FRMPD3: variants seen among roughly 807,000 people sequenced by gnomAD.
FRMPD3 encodes FERM and PDZ domain containing 3.
FRMPD3 carries 42 observed loss-of-function variants against 97.9 expected under a neutral mutation model. The observed-to-expected ratio is 0.43, with a 90% CI of 0.34 to 0.55. The LOEUF (loss-of-function observed/expected upper bound fraction) is 0.55. Among genes scored for constraint, FRMPD3 ranks in the 20% least tolerant of loss-of-function variants. FRMPD3 has a pLI of 0.03. For missense variants in FRMPD3, 1,303 were observed against 1,457.7 expected, an observed-to-expected ratio of 0.89 and a Z score of 1.73; for synonymous variants, 577 against 581.1, an observed-to-expected ratio of 0.99 and a Z score of 0.10.
At chrX:107,490,999 C>T (rs1438552745) in intron 1 of FRMPD3, among the ~76,000 whole-genome samples, 1 of 111,767 alleles carries the variant, frequency 8.9e-6, no homozygotes, top group Non-Finnish European at 1.9e-5. Flanking sequence ...ATCCTCACAG[C>T]GGTGAGGTAG....
rs1215418026 is a variant in FRMPD3 at position 107,576,347 on chromosome X, C to T, written c.1329C>T (p.Ala443=). The change falls in exon 13 of 15, where the codon GCC becomes GCT. Residue 443 remains alanine (A), a synonymous_variant. Transcript: ENST00000683843. ...PLVLLMEWPE[A]TNFACLIAGY... ...TGCTGTTGATGGAGTGGCCTGAAGC[C>T]ACCAACTTTGCCTGCCTGATCGCGG... 3.7e-5 allele frequency: 45 copies of T among 1,209,197 alleles called. No individual in the cohort carries two copies. Among genetic ancestry groups the T allele is most frequent in the Non-Finnish European group, 5.0e-5 (45 of 895,138 alleles).
intron 5 of FRMPD3, 69 bp from the exon 6 acceptor site, chrX:107,549,980 C>A: frequency 1.5e-6 from 1 of 683,672 alleles, no homozygotes; most frequent in Non-Finnish European, 2.3e-6. Flanking sequence ...CTTTTTCACA[C>A]CCTTCCTCTG....
chrX:107,470,108 G>T (rs1410102654), intron 1 of FRMPD3, among the ~76,000 whole-genome samples: 1 of 112,451 alleles, frequency 8.9e-6, no homozygotes, highest in Non-Finnish European at 1.9e-5. Context: ...AAGAGAAATT[G>T]AACATTAGAT....
At chrX:107,570,232 A>G (rs183202511) in intron 12 of FRMPD3, among the ~76,000 whole-genome samples, 1 of 106,033 alleles carries the variant, frequency 9.4e-6, no homozygotes, top group East Asian at 2.9e-4. Context: ...AAGGAAAGAA[A>G]GAACTGCTTG....
intron 12 of FRMPD3, among the ~76,000 whole-genome samples, chrX:107,571,288 T>C (rs1241567412): frequency 8.9e-6 from 1 of 112,764 alleles, no homozygotes; most frequent in Non-Finnish European, 1.9e-5. Context: ...AAAATTGTTT[T>C]TGAAGGTTTC....
At chrX:107,552,702 T>A (rs941146068) in intron 6 of FRMPD3, 93 bp from the exon 7 acceptor site, 4 of 986,842 alleles carry the variant, frequency 4.1e-6, no homozygotes, top group Non-Finnish European at 5.5e-6. Flanking sequence ...ATATTTCTTT[T>A]CTTGGTGTTT....
rs1026575426 is a variant in FRMPD3 at position 107,449,965 on chromosome X, GGAGGAGGAGGAA to G, written c.-28_-17del. Among the ~76,000 whole-genome samples the G allele has an allele frequency of 4.5e-5, 5 of 110,775 alleles. No homozygotes were observed. Among genetic ancestry groups the G allele is most frequent in the East Asian group, 5.7e-4 (2 of 3,498 alleles). On this transcript the variant is annotated 5_prime_UTR_variant, in exon 1 of 15. Coordinates refer to ENST00000683843, the MANE Select transcript of FRMPD3 (RefSeq NM_001388459.1). ...CCGCTGAGGAGGCGGAGGAGGAGGA[GGAGGAGGAGGAA>G]GAGGAGGAGGAAGAGGAGGGGGAGG...
At chrX:107,526,001 G>A (rs367813691) in intron 1 of FRMPD3, among the ~76,000 whole-genome samples, 14 of 111,238 alleles carry the variant, frequency 1.3e-4, no homozygotes, top group South Asian at 3.9e-4. Flanking sequence ...GCTTGACCCC[G>A]GGAGGTGGAG....
chrX:107,467,442 G>A (rs1383451541), intron 1 of FRMPD3, among the ~76,000 whole-genome samples: 2 of 110,887 alleles, frequency 1.8e-5, no homozygotes, highest in Admixed American at 1.9e-4. Flanking sequence ...TAGATAAGTA[G>A]TCCCTTGCTA....
At chrX:107,489,270 A>G (rs1371806354) in intron 1 of FRMPD3, among the ~76,000 whole-genome samples, 1 of 109,559 alleles carries the variant, frequency 9.1e-6, no homozygotes, top group Non-Finnish European at 1.9e-5. Flanking sequence ...AGTCTTTGCT[A>G]TTGTGAATAG....
intron 1 of FRMPD3, among the ~76,000 whole-genome samples, chrX:107,490,550 C>G (rs986859423): frequency 1.9e-4 from 21 of 111,073 alleles, no homozygotes; most frequent in East Asian, 8.4e-4. Flanking sequence ...AGAGGTCCTT[C>G]ACATCCCTTG....
chrX:107,498,733 A>G (rs1193173964), intron 1 of FRMPD3, among the ~76,000 whole-genome samples: 1 of 111,757 alleles, frequency 8.9e-6, no homozygotes, highest in East Asian at 2.8e-4. Flanking sequence ...AGCCTGGGGA[A>G]TGAGGAGCGC....
intron 4 of FRMPD3, chrX:107,544,769 A>G (rs1921500661): frequency 9.0e-6 from 1 of 111,496 alleles, no homozygotes; most frequent in African/African-American, 3.3e-5. Context: ...CATGCTTCTG[A>G]TAAAATTGTG....
intron 1 of FRMPD3, among the ~76,000 whole-genome samples, chrX:107,501,385 G>A (rs1438110254): frequency 5.4e-5 from 4 of 74,721 alleles, no homozygotes; most frequent in Non-Finnish European, 9.6e-5. Context: ...TTTTTGAGAC[G>A]GAGTCTCGCT....
intron 1 of FRMPD3, among the ~76,000 whole-genome samples, chrX:107,502,157 G>A (rs980816405): frequency 3.6e-5 from 4 of 110,384 alleles, no homozygotes; most frequent in African/African-American, 9.9e-5. Flanking sequence ...CAGAACATTC[G>A]CACCACAGGG....
chrX:107,566,257 T>C (rs958013192), intron 12 of FRMPD3, among the ~76,000 whole-genome samples: 1 of 112,922 alleles, frequency 8.9e-6, no homozygotes, highest in African/African-American at 3.2e-5. Context: ...GGGGGAGATA[T>C]TGGTAGCAGA....
At position 107,597,826 on chromosome X, in the gene FRMPD3, TGAGGAG is replaced by T. The variant is rs765779456; in HGVS notation, c.1962_1967del (p.Glu655_Glu656del). ...TGATGTCCCTCCCACCACCTGGGAG[TGAGGAG>T]GAGGAGGAGGAGGAAGATGAGACAA... On this transcript the variant is annotated inframe_deletion, in exon 14 of 15. Coordinates refer to ENST00000683843, the MANE Select transcript of FRMPD3 (RefSeq NM_001388459.1). 3 of 1,178,272 alleles carry T rather than the reference TGAGGAG, an allele frequency of 2.5e-6. No homozygotes were observed. The highest frequency in any genetic ancestry group is 1.9e-5 in the South Asian group (1 of 53,745).
chrX:107,459,747 T>G (rs1418591988), intron 1 of FRMPD3, among the ~76,000 whole-genome samples: 1 of 113,037 alleles, frequency 8.8e-6, no homozygotes, highest in Non-Finnish European at 1.9e-5. Flanking sequence ...AAGGGAGCTC[T>G]GCTCTGAGGG....
At chrX:107,521,150 C>T (rs1460382580) in intron 1 of FRMPD3, among the ~76,000 whole-genome samples, 1 of 112,224 alleles carries the variant, frequency 8.9e-6, no homozygotes, top group African/African-American at 3.2e-5. Context: ...CCTCCCTGTT[C>T]TCTCCTGGGG....
Sources: gnomAD v4.1 joint callset for allele counts (sites outside exome capture counted in the v4.1 genomes callset) on GRCh38, gnomAD v4.1.1 for gene constraint, MANE v1.5 for transcripts, NCBI Gene and HGNC (gene_info 2026-07-23, HGNC 2026-07-21) for gene names.